THSD4: variants seen among roughly 807,000 people sequenced by gnomAD.
THSD4 encodes thrombospondin type 1 domain containing 4, also known as thrombospondin type-1 domain-containing protein 4.
THSD4 carries 69 observed loss-of-function variants against 119.0 expected under a neutral mutation model. The observed-to-expected ratio is 0.58, with a 90% CI of 0.48 to 0.71. The LOEUF is 0.71. THSD4 is among the 30% of genes least tolerant of loss of function. The pLI, the probability that THSD4 is intolerant of heterozygous loss-of-function variation, is 0.00. For missense variants in THSD4, 1,393 were observed against 1,391.1 expected (o/e 1.00, Z -0.02); for synonymous variants, 524 against 540.4 (o/e 0.97, Z 0.42).
intron 3 of THSD4, among the ~76,000 whole-genome samples, chr15:71,160,063 T>C (rs886528870): frequency 6.6e-6 from 1 of 152,136 alleles, no homozygotes; most frequent in Non-Finnish European, 1.5e-5. Flanking sequence ...TTTTTCTGCA[T>C]CTTTTGAAAT....
chr15:71,573,395 G>A (rs548343322), intron 7 of THSD4, among the ~76,000 whole-genome samples: 33 of 152,340 alleles, frequency 2.2e-4, no homozygotes, highest in African/African-American at 7.7e-4. Flanking sequence ...TCCAAGGACC[G>A]AAGAAACTTC....
rs564213910 is a variant in THSD4 at position 71,281,033 on chromosome 15, G to A, written c.1015+24318G>A. On this transcript the variant is annotated intron_variant, in intron 6 of 17. Transcript: ENST00000261862. ...TTCTGTAACTTGTGGGTTAGCAAGT[G>A]GATTCTATAGATACGCCCCATGTCC... Among the ~76,000 whole-genome samples, 215 of 152,344 alleles carry A rather than the reference G, an allele frequency of 1.4e-3. 1 individual carries two copies. The highest frequency in any genetic ancestry group is 4.4e-3 in the African/African-American group (181 of 41,574).
chr15:71,756,774 A>AGAAC (rs111906749), intron 14 of THSD4, among the ~76,000 whole-genome samples: 7 of 152,354 alleles, frequency 4.6e-5, no homozygotes, highest in African/African-American at 1.7e-4. Context: ...TGACAAAGCG[A>AGAAC]GAACCTGTCT....
At chr15:71,156,010 T>G (rs1762780447) in intron 3 of THSD4, among the ~76,000 whole-genome samples, 1 of 152,120 alleles carries the variant, frequency 6.6e-6, no homozygotes, top group South Asian at 2.1e-4. Context: ...TTTGTGTGTT[T>G]TATAGTAAAT....
chr15:71,127,746 ATTC>A (rs778619693), intron 1 of THSD4, among the ~76,000 whole-genome samples: 2 of 152,094 alleles, frequency 1.3e-5, no homozygotes, highest in African/African-American at 2.4e-5. Flanking sequence ...TCCTCTGCCC[ATTC>A]TTTAATTGGG....
intron 6 of THSD4, among the ~76,000 whole-genome samples, chr15:71,308,758 G>T (rs1250937282): frequency 6.6e-6 from 1 of 152,130 alleles, no homozygotes; most frequent in Admixed American, 6.5e-5. Flanking sequence ...ATATGCCTGG[G>T]AGTGGAAGTG....
At chr15:71,752,577 T>C (rs928471472) in intron 14 of THSD4, among the ~76,000 whole-genome samples, 1 of 152,244 alleles carries the variant, frequency 6.6e-6, no homozygotes, top group African/African-American at 2.4e-5. Context: ...GGGAGTACTA[T>C]TGGGTTTAAG....
intron 14 of THSD4, among the ~76,000 whole-genome samples, chr15:71,753,613 T>A (rs8024664): frequency 0.057 from 8,742 of 152,286 alleles, 890 homozygotes; most frequent in African/African-American, 0.2. Flanking sequence ...ACGAGTCATG[T>A]CCTCTTCTGA....
chr15:71,111,592 G>T, upstream of THSD4: 1 of 619,898 alleles, frequency 1.6e-6, no homozygotes, highest in Non-Finnish European at 2.8e-6. Context: ...CTGGGCACAG[G>T]CTTGCCTTGA....
intron 6 of THSD4, among the ~76,000 whole-genome samples, chr15:71,274,967 ATAT>A (rs2044573450): frequency 6.6e-6 from 1 of 152,152 alleles, no homozygotes; most frequent in Admixed American, 6.5e-5. Context: ...TCACTGCAAA[ATAT>A]TAAATACTGA....
At chr15:71,174,013 G>A (rs1228201948) in intron 3 of THSD4, among the ~76,000 whole-genome samples, 1 of 152,166 alleles carries the variant, frequency 6.6e-6, no homozygotes, top group African/African-American at 2.4e-5. Flanking sequence ...AAATCTTCAT[G>A]ATATTAGTTT....
At chr15:71,602,551 C>T (rs2050030565) in intron 7 of THSD4, among the ~76,000 whole-genome samples, 2 of 22,952 alleles carry the variant, frequency 8.7e-5, no homozygotes, top group Non-Finnish European at 2.3e-4. Context: ...GAAACTCTGT[C>T]TCAAAAAAAA....
At chr15:71,410,168 G>T (rs535597411) in intron 6 of THSD4, among the ~76,000 whole-genome samples, 46 of 152,182 alleles carry the variant, frequency 3.0e-4, no homozygotes, top group African/African-American at 1.0e-3. Context: ...AGAAAAGGCC[G>T]ATATTCATTT....
intron 6 of THSD4, among the ~76,000 whole-genome samples, chr15:71,260,280 T>G (rs2044375395): frequency 6.6e-6 from 1 of 152,232 alleles, no homozygotes; most frequent in Admixed American, 6.5e-5. Context: ...ACTTATTTTT[T>G]GAACATTTGA....
At chr15:71,345,863 G>A (rs1419482583) in intron 6 of THSD4, among the ~76,000 whole-genome samples, 3 of 151,080 alleles carry the variant, frequency 2.0e-5, no homozygotes, top group Non-Finnish European at 4.4e-5. Context: ...AGCCCTGTAC[G>A]AAGAGTTCTT....
intron 7 of THSD4, among the ~76,000 whole-genome samples, chr15:71,590,815 A>G (rs952935011): frequency 1.4e-4 from 22 of 151,970 alleles, no homozygotes; most frequent in African/African-American, 4.8e-4. Flanking sequence ...CATCCTGGCT[A>G]ACACGGTGAA....
chr15:71,274,250 T>A (rs1166901315), intron 6 of THSD4, among the ~76,000 whole-genome samples: 1 of 152,244 alleles, frequency 6.6e-6, no homozygotes, highest in African/African-American at 2.4e-5. Flanking sequence ...ACCTGGCTCA[T>A]CAACTGTCAT....
intron 7 of THSD4, among the ~76,000 whole-genome samples, chr15:71,429,174 A>G (rs1434025152): frequency 2.0e-5 from 3 of 152,226 alleles, no homozygotes; most frequent in African/African-American, 7.2e-5. Flanking sequence ...GTGACACAGG[A>G]AAATCGGAGG....
rs760555462 is a variant in THSD4, at chr15:71,758,069, G to C, written c.2583G>C (p.Trp861Cys). The C allele has an allele frequency of 6.4e-7, 1 of 1,573,076 alleles. No homozygotes were observed. The highest frequency in any genetic ancestry group is 1.4e-5 in the African/African-American group (1 of 73,944). ...TGKVEWFAGSWSQCSIECGSG... is the reference protein window; with the variant it reads ...TGKVEWFAGSCSQCSIECGSG... ...AGGTGGAGTGGTTTGCCGGGAGCTGGAGTCAGGTGAGTGGCCAGAACTGGG... is the reference window on the plus strand; with the variant it reads ...AGGTGGAGTGGTTTGCCGGGAGCTGCAGTCAGGTGAGTGGCCAGAACTGGG... The change falls in exon 15 of 18, where the codon TGG becomes TGC. Residue 861 changes from tryptophan (W) to cysteine (C), a missense_variant. By Grantham distance (215) the Trp-to-Cys change is radical. Coordinates refer to ENST00000261862, the MANE Select transcript of THSD4 (RefSeq NM_024817.3).
Sources: allele counts gnomAD v4.1 joint callset (sites outside exome capture counted in the v4.1 genomes callset), GRCh38; gene constraint gnomAD v4.1.1; transcripts MANE v1.5; gene names NCBI Gene and HGNC (gene_info 2026-07-23, HGNC 2026-07-21).